The following OCA2 variants were observed in gnomAD, a reference collection of about 807,000 sequenced individuals.
OCA2 encodes the protein P protein.
Under a neutral mutation model 100.2 loss-of-function variants are expected in OCA2, and 77 were observed. The ratio of observed to expected loss-of-function variants is 0.77; its 90% CI spans 0.64 to 0.93. The LOEUF is 0.93. OCA2 is among the 40% of genes least tolerant of loss of function. The pLI is 0.00. For synonymous variants in OCA2, 432 were observed against 439.2 expected, an observed-to-expected ratio of 0.98 and a Z score of 0.21; for missense variants, 1,062 against 1,089.1, an observed-to-expected ratio of 0.98 and a Z score of 0.35.
intron 15 of OCA2, among the ~76,000 whole-genome samples, chr15:27,959,642 C>T (rs1259858600): frequency 2.0e-5 from 3 of 152,270 alleles, no homozygotes; most frequent in South Asian, 2.1e-4. Flanking sequence ...CCCCTGGGTG[C>T]GGGCTGGAAG....
At chr15:28,096,085 T>C (rs767279390) in intron 1 of OCA2, among the ~76,000 whole-genome samples, 3 of 151,006 alleles carry the variant, frequency 2.0e-5, no homozygotes, top group African/African-American at 7.4e-5. Context: ...TGGCTGCGTC[T>C]GCAAAGGCGT....
chr15:27,858,470 C>T (rs1201158877), intron 21 of OCA2, among the ~76,000 whole-genome samples: 2 of 150,240 alleles, frequency 1.3e-5, no homozygotes, highest in African/African-American at 2.4e-5. Flanking sequence ...AAGTGACTCT[C>T]TTTAGATACA....
chr15:27,825,895 A>T (rs2034702311), intron 23 of OCA2, among the ~76,000 whole-genome samples: 1 of 152,244 alleles, frequency 6.6e-6, no homozygotes, highest in Admixed American at 6.5e-5. Context: ...CTTTAGCTTC[A>T]CAGTGCACTA....
chr15:27,882,382 C>T (rs116601848), intron 19 of OCA2, among the ~76,000 whole-genome samples: 2,367 of 152,272 alleles, frequency 0.016, 56 homozygotes, highest in African/African-American at 0.05. Context: ...GTTGTAGTTT[C>T]ATTTCTAACC....
intron 19 of OCA2, among the ~76,000 whole-genome samples, chr15:27,923,336 C>T (rs138742724): frequency 1.4e-3 from 220 of 152,298 alleles, no homozygotes; most frequent in African/African-American, 4.9e-3. Flanking sequence ...CTTTACAGTA[C>T]AAGAATTTAT....
intron 23 of OCA2, among the ~76,000 whole-genome samples, chr15:27,817,157 T>C (rs140387809): frequency 6.6e-6 from 1 of 152,284 alleles, no homozygotes; most frequent in East Asian, 1.9e-4. Flanking sequence ...GCCTTCTTTA[T>C]TTATGTAGAT....
At chr15:27,739,572 A>G in the OCA2 span, among the ~76,000 whole-genome samples, 6 of 150,230 alleles carry the variant, frequency 4.0e-5, no homozygotes, top group Non-Finnish European at 7.4e-5. Flanking sequence ...CAGCCTCCCG[A>G]GTAGCTGGAA....
At chr15:27,835,647 G>A (rs2035120648) in intron 23 of OCA2, among the ~76,000 whole-genome samples, 1 of 152,200 alleles carries the variant, frequency 6.6e-6, no homozygotes, top group South Asian at 2.1e-4. Flanking sequence ...ACTTTACCAG[G>A]GCCTTCCCCT....
At chr15:27,868,019 G>A (rs189880003) in intron 21 of OCA2, among the ~76,000 whole-genome samples, 1 of 152,182 alleles carries the variant, frequency 6.6e-6, no homozygotes, top group Non-Finnish European at 1.5e-5. Flanking sequence ...ACTGTGGGAG[G>A]AGCTGGGGCA....
intron 9 of OCA2, among the ~76,000 whole-genome samples, chr15:27,991,396 G>A (rs930147006): frequency 6.6e-6 from 1 of 152,210 alleles, no homozygotes; most frequent in Admixed American, 6.5e-5. Flanking sequence ...GTCCATCCGT[G>A]GTGAAGGGAT....
intron 19 of OCA2, among the ~76,000 whole-genome samples, chr15:27,907,144 T>C (rs756897602): frequency 4.7e-4 from 72 of 152,216 alleles, no homozygotes; most frequent in Non-Finnish European, 8.7e-4. Context: ...ATCCAAAACA[T>C]AGCAATTAAT....
intron 19 of OCA2, among the ~76,000 whole-genome samples, chr15:27,906,090 T>G (rs2038166465): frequency 6.6e-6 from 1 of 152,220 alleles, no homozygotes. Context: ...TAGTTAGAAG[T>G]AATAAGTTCT....
At chr15:27,877,731 A>C (rs2036850305) in intron 19 of OCA2, among the ~76,000 whole-genome samples, 1 of 152,010 alleles carries the variant, frequency 6.6e-6, no homozygotes. Context: ...CTTTCAGCTA[A>C]GATCAAGGGT....
At chr15:27,795,809 C>T (rs1315514537) in intron 23 of OCA2, among the ~76,000 whole-genome samples, 2 of 152,190 alleles carry the variant, frequency 1.3e-5, no homozygotes, top group African/African-American at 4.8e-5. Context: ...CTCTCACAGC[C>T]ACTCTTAGCG....
intron 23 of OCA2, among the ~76,000 whole-genome samples, chr15:27,829,400 C>A (rs1338040356): frequency 6.6e-6 from 1 of 152,194 alleles, no homozygotes; most frequent in Non-Finnish European, 1.5e-5. Flanking sequence ...GTCAACCACA[C>A]CTCACCTAGA....
At chr15:27,969,905 T>TAAA (rs34786123) in intron 14 of OCA2, among the ~76,000 whole-genome samples, 72,132 of 144,142 alleles carry the variant, frequency 0.5, 21,737 homozygotes, top group Non-Finnish European at 0.7. Flanking sequence ...TGTGAAAATT[T>TAAA]AAAAAAAAAA....
intron 23 of OCA2, among the ~76,000 whole-genome samples, chr15:27,820,647 G>C (rs1466172604): frequency 1.3e-5 from 2 of 152,154 alleles, no homozygotes; most frequent in African/African-American, 4.8e-5. Flanking sequence ...GAACAGAAAA[G>C]GATATCAAGG....
intron 23 of OCA2, among the ~76,000 whole-genome samples, chr15:27,809,183 C>T (rs2033979734): frequency 6.6e-6 from 1 of 152,220 alleles, no homozygotes; most frequent in Admixed American, 6.5e-5. Flanking sequence ...CCATTTTGGA[C>T]AATGCTGAAG....
At chr15:27,867,939 T>C (rs1455057443) in intron 21 of OCA2, among the ~76,000 whole-genome samples, 1 of 152,196 alleles carries the variant, frequency 6.6e-6, no homozygotes, top group Non-Finnish European at 1.5e-5. Context: ...CCCAGGATTG[T>C]TTTCATCCTT....
Sources: gnomAD v4.1 joint callset for allele counts (sites outside exome capture counted in the v4.1 genomes callset) on GRCh38, gnomAD v4.1.1 for gene constraint, MANE v1.5 for transcripts, NCBI Gene and HGNC (gene_info 2026-07-23, HGNC 2026-07-21) for gene names.